NUB1: variants seen among roughly 807,000 people sequenced by gnomAD.
The protein encoded by NUB1 is NEDD8 ultimate buster 1.
A neutral mutation model predicts 77.1 loss-of-function variants in NUB1; 41 were observed. The ratio of observed to expected loss-of-function variants is 0.53; its 90% confidence interval spans 0.41 to 0.69. NUB1 has a LOEUF of 0.69. Among genes scored for constraint, NUB1 ranks in the 30% least tolerant of loss-of-function variants. The probability of loss-of-function intolerance (pLI) is 0.00; values close to 1 mark genes in which losing one functional copy is unlikely to be tolerated. For synonymous variants in NUB1, 257 were observed against 281.0 expected (o/e 0.91, Z 0.85); for missense variants, 643 against 743.8 (o/e 0.86, Z 1.58).
chr7:151,377,392 C>A lies in NUB1; in HGVS notation c.*167C>A, dbSNP rs551356969. 6.0e-6 allele frequency: 3 copies of A among 499,116 alleles called. No individual in the cohort carries two copies. Among genetic ancestry groups the A allele is most frequent in the South Asian group, 6.4e-5 (2 of 31,144 alleles). The allele number at this position is 499,116 out of a possible 1,614,324, so 30.9% of individuals were successfully genotyped here. A position where few individuals can be genotyped will look rare whatever the true frequency, so the allele number is the denominator to read the frequency against. ...CAGGAGGGGTCCCAGGGCCTTCATG[C>A]GTGGTCTCGGGGAAGAAGCTTCCTC... On this transcript the variant is annotated 3_prime_UTR_variant, in exon 15 of 15. Coordinates refer to ENST00000568733, the MANE Select transcript of NUB1 (RefSeq NM_001243351.2).
chr7:151,368,439 C>T lies in NUB1; in HGVS notation c.1096-296C>T, dbSNP rs4726017. Among the ~76,000 whole-genome samples the T allele has an allele frequency of 6.2e-3, 943 of 152,340 alleles. 6 individuals are homozygous for T. Among genetic ancestry groups the T allele is most frequent in the Non-Finnish European group, 9.7e-3 (657 of 68,040 alleles). ...CTGCAAGGGAGGGTGAGAAATGCCACGTGCACAGCTGAAATTCGGGGGCTT... is the reference window on the plus strand; with the variant it reads ...CTGCAAGGGAGGGTGAGAAATGCCATGTGCACAGCTGAAATTCGGGGGCTT... On this transcript the variant is annotated intron_variant, in intron 10 of 14. Transcript: ENST00000568733.
intron 2 of NUB1, among the ~76,000 whole-genome samples, chr7:151,348,867 G>T: frequency 6.6e-6 from 1 of 152,000 alleles, no homozygotes; most frequent in East Asian, 1.9e-4. Flanking sequence ...GAGCCACCGC[G>T]CCCAGTCTCA....
At chr7:151,354,341 C>T (rs1433015626) in intron 5 of NUB1, among the ~76,000 whole-genome samples, 26 of 137,494 alleles carry the variant, frequency 1.9e-4, no homozygotes, top group African/African-American at 6.2e-4. Context: ...TTTTTTTAAT[C>T]AAGATGGCTT....
At chr7:151,368,227 C>A (rs568549899) in intron 10 of NUB1, among the ~76,000 whole-genome samples, 1 of 152,314 alleles carries the variant, frequency 6.6e-6, no homozygotes, top group African/African-American at 2.4e-5. Flanking sequence ...GTGAGCCAGG[C>A]CGGAGCAGTG....
At chr7:151,364,321 T>A (rs1422279222) in intron 8 of NUB1, among the ~76,000 whole-genome samples, 8 of 147,790 alleles carry the variant, frequency 5.4e-5, no homozygotes, top group South Asian at 2.2e-4. Flanking sequence ...CTTGAGAGGC[T>A]GAGGCAGGAG....
chr7:151,348,568 G>GTTTTTT (rs1796616001), intron 2 of NUB1, among the ~76,000 whole-genome samples: 1 of 58,182 alleles, frequency 1.7e-5, no homozygotes, highest in Non-Finnish European at 3.6e-5. Context: ...TTTGCTTTTT[G>GTTTTTT]CTTTTTTTTT....
chr7:151,351,330 A>T, intron 3 of NUB1, 94 bp from the exon 4 acceptor site: 1 of 931,486 alleles, frequency 1.1e-6, no homozygotes, highest in Admixed American at 2.2e-5. Context: ...AACTCAGTTT[A>T]TATCCTCTGC....
chr7:151,374,058 G>A, intron 11 of NUB1, 39 bp from the exon 12 acceptor site: 2 of 1,529,990 alleles, frequency 1.3e-6, no homozygotes, highest in Non-Finnish European at 8.8e-7. Context: ...TGAAATCTCA[G>A]TCCCTAACTT....
At position 151,378,137 on chromosome 7, in the gene NUB1, C is replaced by T. The variant is rs1426757539; in HGVS notation, c.*912C>T. 2 of 152,098 alleles carry T rather than the reference C, an allele frequency of 1.3e-5. No homozygotes were observed. The highest frequency in any genetic ancestry group is 6.5e-5 in the Admixed American group (1 of 15,276). The allele number at this position is 152,098 out of a possible 1,614,324, so 9.4% of individuals were successfully genotyped here. A position where few individuals can be genotyped will look rare whatever the true frequency, so the allele number is the denominator to read the frequency against. On this transcript the variant is annotated 3_prime_UTR_variant, in exon 15 of 15. Transcript: ENST00000568733. Reference sequence around the variant, plus strand: ...TAAAAGTATGTAGTTCGCTGTGTGTCGGCTCCAGCAGTAACCGTCCTCACT... The same window carrying T: ...TAAAAGTATGTAGTTCGCTGTGTGTTGGCTCCAGCAGTAACCGTCCTCACT...
chr7:151,349,327 T>A, intron 3 of NUB1, 87 bp downstream of exon 3: 7 of 1,138,138 alleles, frequency 6.2e-6, no homozygotes, highest in Non-Finnish European at 8.9e-6. Context: ...AAAGTTACAA[T>A]CCAAAGTCAG....
chr7:151,348,204 T>A (rs774278941), intron 2 of NUB1, among the ~76,000 whole-genome samples: 2 of 152,236 alleles, frequency 1.3e-5, no homozygotes, highest in Non-Finnish European at 2.9e-5. Context: ...CTCTCAGTAA[T>A]AACTGGTTCC....
rs1190431791 is a variant in NUB1 at position 151,368,762 on chromosome 7, A to G, written c.1123A>G (p.Ile375Val). ...KARQLFKELY[I>V]DPSKVDNLLQ... ...ACGTCAGCTCTTTAAAGAGCTATATATTGATCCATCAAAAGTGGACAATTT... is the reference window on the plus strand; with the variant it reads ...ACGTCAGCTCTTTAAAGAGCTATATGTTGATCCATCAAAAGTGGACAATTT... Residue 375 changes from isoleucine to valine, a missense_variant, in exon 11 of 15, where the codon ATT becomes GTT. Ile to Val is a conservative substitution (Grantham distance 29, BLOSUM62 3). Coordinates refer to ENST00000568733, the MANE Select transcript of NUB1 (RefSeq NM_001243351.2). The G allele has an allele frequency of 6.2e-7, 1 of 1,613,764 alleles. No homozygotes were observed. The highest frequency in any genetic ancestry group is 1.3e-5 in the African/African-American group (1 of 75,040).
At chr7:151,363,966 G>C (rs549105880) in intron 8 of NUB1, among the ~76,000 whole-genome samples, 1 of 151,400 alleles carries the variant, frequency 6.6e-6, no homozygotes, top group East Asian at 2.0e-4. Flanking sequence ...ACTAGTTTTT[G>C]TATTTTTAGT....
chr7:151,364,762 C>T (rs1046942298), intron 8 of NUB1, among the ~76,000 whole-genome samples: 2 of 152,150 alleles, frequency 1.3e-5, no homozygotes, highest in African/African-American at 2.4e-5. Flanking sequence ...GTGATCTGCC[C>T]GCCTCGGCCT....
intron 7 of NUB1, among the ~76,000 whole-genome samples, chr7:151,358,564 G>C (rs1797197859): frequency 6.6e-6 from 1 of 152,194 alleles, no homozygotes; most frequent in Non-Finnish European, 1.5e-5. Flanking sequence ...GTGCACTCCT[G>C]ATGAGAATCT....
chr7:151,372,075 C>T (rs1402687850), intron 11 of NUB1, among the ~76,000 whole-genome samples: 1 of 152,158 alleles, frequency 6.6e-6, no homozygotes, highest in Non-Finnish European at 1.5e-5. Context: ...ACCAGTTTCT[C>T]ATCTGAGAAA....
chr7:151,375,145 C>T (rs1401416363), intron 12 of NUB1, among the ~76,000 whole-genome samples: 1 of 152,188 alleles, frequency 6.6e-6, no homozygotes, highest in Non-Finnish European at 1.5e-5. Flanking sequence ...GCCTCTTATC[C>T]CTGCCCTGTT....
In NUB1 at chr7:151,360,057, T is replaced by C. The variant is rs935458820; in HGVS notation, c.694-84T>C. ...TCTTGTTTTCATTTTTTTTACTTTG[T>C]TTTTTAAAAAGTAATATGCTTTTAA... is the stretch of plus-strand genomic sequence containing the variant. On this transcript the variant is annotated intron_variant, in intron 7 of 14. Transcript: ENST00000568733. 12 of 631,608 alleles carry C rather than the reference T, an allele frequency of 1.9e-5. No homozygotes were observed. In the Admixed American group the frequency reaches 3.1e-4, roughly 16 times the overall value. The allele number at this position is 631,608 out of a possible 1,614,324, so 39.1% of individuals were successfully genotyped here.
At chr7:151,348,337 A>T (rs1037046956) in intron 2 of NUB1, among the ~76,000 whole-genome samples, 1 of 152,032 alleles carries the variant, frequency 6.6e-6, no homozygotes, top group Non-Finnish European at 1.5e-5. Context: ...GTTTAAGTCC[A>T]ACTTGATTTG....
Sources: allele counts gnomAD v4.1 joint callset (sites outside exome capture counted in the v4.1 genomes callset), GRCh38; gene constraint gnomAD v4.1.1; transcripts MANE v1.5; gene names NCBI Gene and HGNC (gene_info 2026-07-23, HGNC 2026-07-21).